Variants in TIAM1 observed in about 807,000 individuals in gnomAD.
TIAM1 encodes TIAM Rac1 associated GEF 1.
Under a neutral mutation model 163.5 loss-of-function variants are expected in TIAM1, and 65 were observed. That is an observed-to-expected ratio of 0.40 (90% confidence interval 0.33 to 0.49). TIAM1 has a LOEUF of 0.49. TIAM1 is among the 20% of genes least tolerant of loss of function. The pLI, the probability that TIAM1 is intolerant of heterozygous loss-of-function variation, is 0.77. For synonymous variants in TIAM1, 833 were observed against 810.1 expected, an observed-to-expected ratio of 1.03 and a Z score of -0.48; for missense variants, 1,789 against 2,044.7, an observed-to-expected ratio of 0.87 and a Z score of 2.41.
At chr21:31,436,605 C>T (rs2044217980) in intron 2 of TIAM1, among the ~76,000 whole-genome samples, 1 of 151,658 alleles carries the variant, frequency 6.6e-6, no homozygotes. Flanking sequence ...TGCACTCCAC[C>T]CTGGGTGACA....
intron 1 of TIAM1, among the ~76,000 whole-genome samples, chr21:31,490,395 A>G (rs942190990): frequency 3.3e-5 from 5 of 151,518 alleles, no homozygotes; most frequent in African/African-American, 9.8e-5. Context: ...ACACGAAATA[A>G]AATGATTTTT....
chr21:31,528,324 G>A (rs1043855964), intron 1 of TIAM1, among the ~76,000 whole-genome samples: 2 of 151,960 alleles, frequency 1.3e-5, no homozygotes, highest in Admixed American at 6.6e-5. Context: ...AGACCAGCCT[G>A]AGCAACATAC....
At chr21:31,363,492 G>A (rs12482513) in intron 2 of TIAM1, among the ~76,000 whole-genome samples, 13,187 of 151,978 alleles carry the variant, frequency 0.087, 1,018 homozygotes, top group East Asian at 0.44. Context: ...ATCTGCTCCT[G>A]TGATCCACAA....
chr21:31,283,150 C>T (rs1475382282), intron 2 of TIAM1, among the ~76,000 whole-genome samples: 5 of 152,228 alleles, frequency 3.3e-5, no homozygotes, highest in African/African-American at 4.8e-5. Context: ...GGAAAGCTTA[C>T]TATCTGGCTG....
At chr21:31,195,406 G>A (rs554591928) in intron 12 of TIAM1, 101 bp from the exon 13 acceptor site, 13 of 814,808 alleles carry the variant, frequency 1.6e-5, no homozygotes, top group South Asian at 1.0e-4. Flanking sequence ...TGATACTTAC[G>A]TGAATTTGCA....
intron 8 of TIAM1, among the ~76,000 whole-genome samples, chr21:31,221,954 A>C (rs575379794): frequency 5.3e-5 from 8 of 152,202 alleles, no homozygotes; most frequent in Non-Finnish European, 1.2e-4. Context: ...ACTTTGTCCC[A>C]CCACTACTGA....
chr21:31,329,380 T>C (rs1031432638), intron 2 of TIAM1, among the ~76,000 whole-genome samples: 3 of 152,198 alleles, frequency 2.0e-5, no homozygotes, highest in Non-Finnish European at 2.9e-5. Flanking sequence ...TCGTAACTGC[T>C]CACTTTCGTG....
intron 2 of TIAM1, among the ~76,000 whole-genome samples, chr21:31,306,927 G>A (rs2074735578): frequency 6.6e-6 from 1 of 152,154 alleles, no homozygotes; most frequent in Admixed American, 6.5e-5. Context: ...CAGTTGCCTT[G>A]AAAAACACTA....
chr21:31,283,675 G>T (rs1423956435), intron 2 of TIAM1, among the ~76,000 whole-genome samples: 1 of 152,104 alleles, frequency 6.6e-6, no homozygotes, highest in Non-Finnish European at 1.5e-5. Flanking sequence ...CTCCCAAGTA[G>T]TTGGGACTAC....
At chr21:31,503,722 C>T (rs907375226) in intron 1 of TIAM1, among the ~76,000 whole-genome samples, 2 of 150,962 alleles carry the variant, frequency 1.3e-5, no homozygotes, top group African/African-American at 2.4e-5. Context: ...CAGTGGCTGA[C>T]AGTGTCAGGA....
At chr21:31,184,626 AGATTCCCCACCCCCGT>A (rs896341488) in intron 14 of TIAM1, among the ~76,000 whole-genome samples, 4 of 152,146 alleles carry the variant, frequency 2.6e-5, no homozygotes, top group Non-Finnish European at 4.4e-5. Flanking sequence ...CCAGAGCAGT[AGATTCCCCACCCCCGT>A]GCCACGCAAA....
chr21:31,267,292 C>A (rs1030731958), intron 3 of TIAM1, among the ~76,000 whole-genome samples: 1 of 152,156 alleles, frequency 6.6e-6, no homozygotes, highest in Non-Finnish European at 1.5e-5. Flanking sequence ...TAGCTGAGAG[C>A]GCTGCTTTTG....
upstream of TIAM1, among the ~76,000 whole-genome samples, chr21:31,344,625 G>A (rs1393781884): frequency 6.6e-6 from 1 of 152,174 alleles, no homozygotes; most frequent in African/African-American, 2.4e-5. Context: ...GGACAGAAAC[G>A]TGGGTAGTTC....
intron 1 of TIAM1, among the ~76,000 whole-genome samples, chr21:31,511,699 C>G (rs183352889): frequency 6.6e-6 from 1 of 152,276 alleles, no homozygotes; most frequent in East Asian, 1.9e-4. Context: ...CGGGCCTCCC[C>G]GATCCTGGAC....
intron 2 of TIAM1, among the ~76,000 whole-genome samples, chr21:31,288,222 G>A (rs2073887904): frequency 6.6e-6 from 1 of 152,054 alleles, no homozygotes; most frequent in South Asian, 2.1e-4. Context: ...GAACCCACTA[G>A]AACAGCAATA....
At chr21:31,534,298 A>T (rs1458335735) in intron 1 of TIAM1, among the ~76,000 whole-genome samples, 2 of 152,240 alleles carry the variant, frequency 1.3e-5, no homozygotes, top group Non-Finnish European at 2.9e-5. Flanking sequence ...GCCTACATCG[A>T]GAACAACCAG....
At chr21:31,537,783 T>C (rs538601971) in intron 1 of TIAM1, among the ~76,000 whole-genome samples, 2 of 151,996 alleles carry the variant, frequency 1.3e-5, no homozygotes, top group South Asian at 4.2e-4. Context: ...AAAGTATTAA[T>C]ATTTACCCAA....
At chr21:31,533,599 G>A (rs528579989) in intron 1 of TIAM1, among the ~76,000 whole-genome samples, 10 of 151,844 alleles carry the variant, frequency 6.6e-5, no homozygotes, top group Non-Finnish European at 1.5e-4. Flanking sequence ...CAGGGGTGGT[G>A]GTACACACCT....
Position 31,395,674 on chromosome 21 carries a change from A to G in TIAM1, c.-368-56252T>C, listed in dbSNP as rs1319901539. Among the ~76,000 whole-genome samples the G allele has an allele frequency of 6.6e-6, 1 of 152,174 alleles. No homozygotes were observed. Among genetic ancestry groups the G allele is most frequent in the Non-Finnish European group, 1.5e-5 (1 of 68,040 alleles). On this transcript the variant is annotated intron_variant, in intron 2 of 28. Transcript: ENST00000286827. The surrounding 1 kb of genome is among the most constrained non-coding windows in gnomAD (Gnocchi z 7.5). ...AAAGGTGCTGGACGAGAGAATAAAT[A>G]TTGACTAAAACATCTATCTTGGGGA...
Sources: gnomAD v4.1 joint callset for allele counts (sites outside exome capture counted in the v4.1 genomes callset) on GRCh38, gnomAD v4.1.1 for gene constraint, Gnocchi (gnomAD v3.1) non-coding constraint, MANE v1.5 for transcripts, NCBI Gene and HGNC (gene_info 2026-07-23, HGNC 2026-07-21) for gene names.